Variants in CALB1 observed in about 807,000 individuals in gnomAD.
CALB1 encodes the protein calbindin.
A neutral mutation model predicts 46.7 loss-of-function variants in CALB1; 16 were observed. The ratio of observed to expected loss-of-function variants is 0.34; its 90% CI spans 0.23 to 0.52. CALB1 has a LOEUF of 0.52. CALB1 is among the 20% of genes least tolerant of loss of function. The probability of loss-of-function intolerance (pLI) is 0.95; values close to 1 mark genes in which losing one functional copy is unlikely to be tolerated. For missense variants in CALB1, 224 were observed against 300.3 expected (o/e 0.75, Z 1.88); for synonymous variants, 90 against 112.8 (o/e 0.80, Z 1.28).
At chr8:90,069,291 C>G (rs1814457165) in intron 3 of CALB1, 54 bp from the exon 4 acceptor site, 1 of 1,353,198 alleles carries the variant, frequency 7.4e-7, no homozygotes, top group Admixed American at 1.7e-5. Flanking sequence ...AAAAACAAGT[C>G]TCTGCCATTA....
Position 90,059,287 on chromosome 8 carries a change from T to C in CALB1, c.*886A>G, listed in dbSNP as rs994230945. On this transcript the variant is annotated 3_prime_UTR_variant, in exon 11 of 11. Coordinates refer to ENST00000265431, the MANE Select transcript of CALB1 (RefSeq NM_004929.4). ...TAGAGTTGTTATAGCTAGAAAAAAA[T>C]ATTTTCAGAGGCAGCAGATACCCTT... The C allele has an allele frequency of 6.6e-6, 1 of 152,360 alleles. No individual in the cohort carries two copies. The highest frequency in any genetic ancestry group is 2.4e-5 in the African/African-American group (1 of 41,354). The allele number at this position is 152,360 out of a possible 1,614,324, so 9.4% of individuals were successfully genotyped here.
intron 10 of CALB1, 96 bp from the exon 11 acceptor site, chr8:90,060,382 A>T: frequency 3.8e-6 from 3 of 797,196 alleles, no homozygotes; most frequent in Admixed American, 1.9e-5. Context: ...TACTTGTTAC[A>T]TCAATCCATT....
chr8:90,069,989 G>A (rs531058806), intron 3 of CALB1, among the ~76,000 whole-genome samples: 11 of 123,366 alleles, frequency 8.9e-5, no homozygotes, highest in African/African-American at 3.4e-4. Context: ...TTTTTTTTTT[G>A]GAAGAAAAAA....
intron 1 of CALB1, chr8:90,082,400 A>G: frequency 3.3e-6 from 2 of 609,932 alleles, no homozygotes; most frequent in Non-Finnish European, 5.8e-6. Flanking sequence ...TGGAAAGACA[A>G]AAGTTTAAGG....
chr8:90,060,371 C>A, intron 10 of CALB1, 85 bp from the exon 11 acceptor site: 1 of 842,410 alleles, frequency 1.2e-6, no homozygotes. Flanking sequence ...TGAGATGAAA[C>A]TACTTGTTAC....
chr8:90,074,726 G>A (rs1198559298), intron 3 of CALB1, among the ~76,000 whole-genome samples: 1 of 152,156 alleles, frequency 6.6e-6, no homozygotes, highest in Non-Finnish European at 1.5e-5. Flanking sequence ...TACAGTTTTA[G>A]GACTAAAATA....
intron 4 of CALB1, 28 bp from the exon 5 acceptor site, chr8:90,069,082 A>C (rs780367513): frequency 6.2e-7 from 1 of 1,611,834 alleles, no homozygotes; most frequent in Non-Finnish European, 8.5e-7. Flanking sequence ...TAAGGAAAAC[A>C]AACACATTTT....
At chr8:90,060,767 T>C in intron 9 of CALB1, 67 bp from the exon 10 acceptor site, 1 of 1,185,812 alleles carries the variant, frequency 8.4e-7, no homozygotes, top group Non-Finnish European at 1.3e-6. Flanking sequence ...TGAAGTAAAA[T>C]GGAAATAATT....
chr8:90,068,303 C>T (rs1814436240), intron 5 of CALB1, among the ~76,000 whole-genome samples: 1 of 152,138 alleles, frequency 6.6e-6, no homozygotes, highest in Non-Finnish European at 1.5e-5. Context: ...CAGATCTCTG[C>T]CTTTTCCTTT....
intron 6 of CALB1, among the ~76,000 whole-genome samples, chr8:90,065,136 T>C (rs892133991): frequency 6.6e-6 from 1 of 151,784 alleles, no homozygotes; most frequent in African/African-American, 2.4e-5. Flanking sequence ...CTGGTAATCC[T>C]AATTCTGTGA....
intron 3 of CALB1, among the ~76,000 whole-genome samples, chr8:90,077,217 G>A (rs1027213015): frequency 6.6e-6 from 1 of 151,828 alleles, no homozygotes. Context: ...TATTTATATA[G>A]TAATGAGTTA....
rs780352357 is a variant in CALB1, at chr8:90,063,080, A to G, written c.600+20T>C. 3 of 1,575,046 alleles carry G rather than the reference A, an allele frequency of 1.9e-6. No homozygotes were observed. Among genetic ancestry groups the G allele is most frequent in the Admixed American group, 1.8e-5 (1 of 55,848 alleles). On this transcript the variant is annotated intron_variant, in intron 9 of 10. Transcript: ENST00000265431. ...TTCTTACTTCAATAAAAAAGAAAGG[A>G]AAAAGTAACAAACTTTTACCTGATC... is the stretch of plus-strand genomic sequence containing the variant.
Position 90,060,031 on chromosome 8 carries a change from A to G in CALB1, c.*142T>C. The G allele has an allele frequency of 1.6e-6, 1 of 621,182 alleles. No individual in the cohort carries two copies. The highest frequency in any genetic ancestry group is 2.9e-6 in the Non-Finnish European group (1 of 348,118). 38.5% of individuals were successfully genotyped at this position (621,182 alleles called of 1,614,324 possible). ...ACAAACAGTATAGAAACAAGCTGAAAAGAATGAGCCACACATCCTGGATAA... is the reference window on the plus strand; with the variant it reads ...ACAAACAGTATAGAAACAAGCTGAAGAGAATGAGCCACACATCCTGGATAA... On this transcript the variant is annotated 3_prime_UTR_variant, in exon 11 of 11. Coordinates refer to ENST00000265431, the MANE Select transcript of CALB1 (RefSeq NM_004929.4).
At chr8:90,066,057 A>G in intron 5 of CALB1, 82 bp from the exon 6 acceptor site, 2 of 881,888 alleles carry the variant, frequency 2.3e-6, no homozygotes, top group South Asian at 2.8e-5. Context: ...GGAACAGGAC[A>G]TACCAGGAAT....
intron 3 of CALB1, among the ~76,000 whole-genome samples, chr8:90,073,480 T>C (rs1286245412): frequency 2.0e-5 from 3 of 152,218 alleles, no homozygotes; most frequent in Non-Finnish European, 2.9e-5. Context: ...TAGGGTCAGC[T>C]GATGTCCCCG....
At chr8:90,063,611 C>T (rs1160038107) in intron 6 of CALB1, 150 bp from the exon 7 acceptor site, 4 of 628,396 alleles carry the variant, frequency 6.4e-6, no homozygotes, top group Non-Finnish European at 8.4e-6. Flanking sequence ...ACTTTCAATG[C>T]AAATTTTCAA....
Position 90,060,498 on chromosome 8 carries a change from G to A in CALB1, c.672+131C>T, listed in dbSNP as rs112338619. The A allele has an allele frequency of 2.7e-5, 22 of 804,020 alleles. 1 individual carries two copies. Among genetic ancestry groups the A allele is most frequent in the African/African-American group, 1.9e-4 (11 of 58,284 alleles). 49.8% of individuals were successfully genotyped at this position (804,020 alleles called of 1,614,324 possible). A position where few individuals can be genotyped will look rare whatever the true frequency, so the allele number is the denominator to read the frequency against. ...CTGATTTAGGCCAGAACCAAATTGA[G>A]TTAAGAATTGAATTCTATTTCTGCT... On this transcript the variant is annotated intron_variant, in intron 10 of 10. Coordinates refer to ENST00000265431, the MANE Select transcript of CALB1 (RefSeq NM_004929.4).
intron 2 of CALB1, 84 bp downstream of exon 2, chr8:90,081,942 G>A: frequency 1.6e-6 from 2 of 1,231,552 alleles, no homozygotes; most frequent in Non-Finnish European, 1.2e-6. Flanking sequence ...AGCGCTTTAC[G>A]CTACTGGCTT....
At chr8:90,062,261 C>G (rs535429829) in intron 9 of CALB1, 1 of 152,064 alleles carries the variant, frequency 6.6e-6, no homozygotes, top group African/African-American at 2.4e-5. Context: ...ATAAGGGAAA[C>G]CTTTATGACA....
Sources: gnomAD v4.1 joint callset for allele counts (sites outside exome capture counted in the v4.1 genomes callset) on GRCh38, gnomAD v4.1.1 for gene constraint, MANE v1.5 for transcripts, NCBI Gene and HGNC (gene_info 2026-07-23, HGNC 2026-07-21) for gene names.